CNTN4: variants seen among roughly 807,000 people sequenced by gnomAD.
CNTN4 encodes the protein contactin-4.
In CNTN4, 77 loss-of-function variants were observed where a neutral mutation model predicts 122.5. The ratio of observed to expected loss-of-function variants is 0.63; its 90% CI spans 0.52 to 0.76. The LOEUF (loss-of-function observed/expected upper bound fraction) is 0.76. Among genes scored for constraint, CNTN4 ranks in the 30% least tolerant of loss-of-function variants. The pLI is 0.00. For missense variants in CNTN4, 1,256 were observed against 1,259.1 expected, an observed-to-expected ratio of 1.00 and a Z score of 0.04; for synonymous variants, 512 against 447.0, an observed-to-expected ratio of 1.15 and a Z score of -1.83.
At chr3:2,646,116 A>G (rs996562429) in intron 4 of CNTN4, among the ~76,000 whole-genome samples, 1 of 152,208 alleles carries the variant, frequency 6.6e-6, no homozygotes, top group African/African-American at 2.4e-5. Flanking sequence ...CCTTAAAACC[A>G]AAAGAGAAAA....
rs577386414 is a variant in CNTN4, at chr3:2,682,384, G to A, written c.56-53831G>A. On this transcript the variant is annotated intron_variant, in intron 4 of 24. Coordinates refer to ENST00000418658, the MANE Select transcript of CNTN4 (RefSeq NM_175607.3). The stretch of plus-strand genomic sequence containing the variant: ...CAATTGTTCTTAACTTTTTTTTACT[G>A]AGGATGTCAGAGACCCCTTTAGTCA... 2.8e-4 allele frequency among the ~76,000 whole-genome samples: 42 copies of A among 152,218 alleles called. No individual in the cohort carries two copies. The South Asian group carries it at 8.7e-3, about 32-fold the overall frequency.
In CNTN4 at chr3:3,036,620, AG is replaced by A. The variant is rs1699630305; in HGVS notation, c.1943-558del. 1.3e-4 allele frequency among the ~76,000 whole-genome samples: 20 copies of A among 150,196 alleles called. No homozygotes were observed. The South Asian group carries it at 3.4e-3, about 25-fold the overall frequency. ...TCTACTAAAAATACAAAAAAAAAAT[AG>A]ACAGGCATAGTGGCATGCACCTGTA... On this transcript the variant is annotated intron_variant, in intron 17 of 24. Transcript: ENST00000418658.
intron 4 of CNTN4, among the ~76,000 whole-genome samples, chr3:2,655,291 T>A (rs2083537473): frequency 6.6e-6 from 1 of 152,222 alleles, no homozygotes; most frequent in Admixed American, 6.5e-5. Context: ...AGAGAAGTCT[T>A]GTCTGTTAAA....
intron 2 of CNTN4, among the ~76,000 whole-genome samples, chr3:2,135,186 G>T (rs952709893): frequency 6.6e-6 from 1 of 152,122 alleles, no homozygotes; most frequent in African/African-American, 2.4e-5. Flanking sequence ...GATGGCCTGT[G>T]TGGACCTTGA....
At chr3:2,240,520 G>C (rs1559370876) in intron 2 of CNTN4, among the ~76,000 whole-genome samples, 1 of 151,920 alleles carries the variant, frequency 6.6e-6, no homozygotes, top group African/African-American at 2.4e-5. Flanking sequence ...CTCAAACTTT[G>C]TTTCTAACTC....
chr3:2,352,641 G>A (rs1380078871), intron 3 of CNTN4, among the ~76,000 whole-genome samples: 3 of 152,206 alleles, frequency 2.0e-5, no homozygotes, highest in Non-Finnish European at 2.9e-5. Flanking sequence ...GCAGGGCTCA[G>A]GACCTGCAGC....
intron 2 of CNTN4, among the ~76,000 whole-genome samples, chr3:2,269,675 TTAAGTA>T (rs1360242189): frequency 6.6e-6 from 1 of 152,114 alleles, no homozygotes; most frequent in African/African-American, 2.4e-5. Context: ...CTGAAATTGA[TTAAGTA>T]TAACTATGTC....
At chr3:2,487,306 A>G (rs955444946) in intron 3 of CNTN4, among the ~76,000 whole-genome samples, 5 of 152,204 alleles carry the variant, frequency 3.3e-5, no homozygotes, top group African/African-American at 9.7e-5. Context: ...TCTTACAACT[A>G]TTACCAATTC....
At chr3:2,167,790 G>C (rs1453719405) in intron 2 of CNTN4, among the ~76,000 whole-genome samples, 4 of 152,072 alleles carry the variant, frequency 2.6e-5, no homozygotes, top group Non-Finnish European at 5.9e-5. Flanking sequence ...TGTCCACTTG[G>C]CTTCTAATAG....
intron 6 of CNTN4, among the ~76,000 whole-genome samples, chr3:2,773,121 T>G (rs59152416): frequency 0.089 from 13,498 of 150,886 alleles, 701 homozygotes; most frequent in African/African-American, 0.14. Flanking sequence ...TTAGTTAATC[T>G]TTTGGTGGGG....
intron 6 of CNTN4, among the ~76,000 whole-genome samples, chr3:2,807,021 C>G (rs937363769): frequency 6.6e-6 from 1 of 152,164 alleles, no homozygotes; most frequent in Non-Finnish European, 1.5e-5. Context: ...ATCTCTTACC[C>G]ACATTAAGCT....
chr3:2,549,253 A>G (rs1273134629), intron 3 of CNTN4, among the ~76,000 whole-genome samples: 2 of 152,114 alleles, frequency 1.3e-5, no homozygotes, highest in Non-Finnish European at 2.9e-5. Context: ...TAGGAGTGGT[A>G]AGAGAGGCAT....
intron 4 of CNTN4, among the ~76,000 whole-genome samples, chr3:2,707,762 G>A (rs977766133): frequency 5.3e-5 from 8 of 152,060 alleles, no homozygotes; most frequent in African/African-American, 1.7e-4. Flanking sequence ...TCCCCCTTTA[G>A]CCTCCCTAAG....
chr3:2,601,374 T>G (rs975446215), intron 4 of CNTN4, among the ~76,000 whole-genome samples: 3 of 152,228 alleles, frequency 2.0e-5, no homozygotes, highest in Non-Finnish European at 2.9e-5. Context: ...GAATTAATTT[T>G]TGTATAAGGT....
chr3:2,339,020 C>T (rs2044075634), intron 2 of CNTN4, among the ~76,000 whole-genome samples, 158 bp from the exon 3 acceptor site: 1 of 152,102 alleles, frequency 6.6e-6, no homozygotes. Flanking sequence ...TTCTATTAAG[C>T]TGGAAATCTA....
At chr3:2,529,110 C>A (rs75802233) in intron 3 of CNTN4, among the ~76,000 whole-genome samples, 1 of 151,998 alleles carries the variant, frequency 6.6e-6, no homozygotes, top group Non-Finnish European at 1.5e-5. Context: ...TTTGCTCTCC[C>A]CACTCTTCCC....
chr3:2,473,537 A>G (rs763655644), intron 3 of CNTN4, among the ~76,000 whole-genome samples: 2 of 152,168 alleles, frequency 1.3e-5, no homozygotes, highest in Non-Finnish European at 2.9e-5. Flanking sequence ...TACTACCCTT[A>G]TTTCAGATTC....
chr3:2,377,407 C>T (rs973669442), intron 3 of CNTN4, among the ~76,000 whole-genome samples: 1 of 152,290 alleles, frequency 6.6e-6, no homozygotes, highest in East Asian at 1.9e-4. Flanking sequence ...TCTCTAGCTT[C>T]CTCACCCACA....
At chr3:2,266,984 A>T (rs2041075871) in intron 2 of CNTN4, among the ~76,000 whole-genome samples, 2 of 152,150 alleles carry the variant, frequency 1.3e-5, no homozygotes, top group South Asian at 4.1e-4. Flanking sequence ...ATAATGTTAC[A>T]GGGAATCAAA....
Sources: allele counts gnomAD v4.1 joint callset (sites outside exome capture counted in the v4.1 genomes callset), GRCh38; gene constraint gnomAD v4.1.1; transcripts MANE v1.5; gene names NCBI Gene and HGNC (gene_info 2026-07-23, HGNC 2026-07-21).